AGBL1: variants seen among roughly 807,000 people sequenced by gnomAD.
The protein encoded by AGBL1 is AGBL carboxypeptidase 1.
A neutral mutation model predicts 118.9 loss-of-function variants in AGBL1; 130 were observed. The observed-to-expected ratio is 1.09, with a 90% CI of 0.95 to 1.26. AGBL1 has a LOEUF of 1.26. AGBL1 is among the 50% of genes most tolerant of loss of function. The pLI, the probability that AGBL1 is intolerant of heterozygous loss-of-function variation, is 0.00. For synonymous variants in AGBL1, 555 were observed against 478.9 expected (o/e 1.16, Z -2.08); for missense variants, 1,584 against 1,298.1 (o/e 1.22, Z -3.38).
At chr15:86,682,716 T>C (rs1042936748) in intron 22 of AGBL1, among the ~76,000 whole-genome samples, 10 of 152,086 alleles carry the variant, frequency 6.6e-5, no homozygotes, top group African/African-American at 2.2e-4. Flanking sequence ...AAGAACATTA[T>C]TGATTAATTT....
intron 23 of AGBL1, among the ~76,000 whole-genome samples, chr15:86,947,339 G>C (rs988432750): frequency 2.6e-5 from 4 of 152,200 alleles, no homozygotes; most frequent in Non-Finnish European, 5.9e-5. Context: ...TTATTGACCT[G>C]ACCTAAATTT....
intron 21 of AGBL1, among the ~76,000 whole-genome samples, chr15:86,593,013 A>G (rs576218772): frequency 2.6e-5 from 4 of 152,258 alleles, no homozygotes; most frequent in Middle Eastern, 3.4e-3. Flanking sequence ...TGACAAGGGA[A>G]AACCTCTCCC....
At chr15:86,431,652 T>C (rs1406062523) in intron 18 of AGBL1, among the ~76,000 whole-genome samples, 1 of 152,254 alleles carries the variant, frequency 6.6e-6, no homozygotes, top group Non-Finnish European at 1.5e-5. Context: ...TGAGTTATTA[T>C]GCAATGTCTG....
chr15:86,392,995 T>C (rs772639890), intron 17 of AGBL1, among the ~76,000 whole-genome samples: 9 of 152,150 alleles, frequency 5.9e-5, no homozygotes, highest in South Asian at 2.1e-4. Flanking sequence ...TGGAGTACCA[T>C]TTGCTGCTAC....
intron 3 of AGBL1, among the ~76,000 whole-genome samples, chr15:86,150,173 C>T (rs940224802): frequency 2.0e-5 from 3 of 152,124 alleles, no homozygotes; most frequent in Admixed American, 6.5e-5. Flanking sequence ...CAAGAGATAG[C>T]AGGAAAGATC....
At chr15:86,085,117 C>T (rs1895550938) in intron 1 of AGBL1, among the ~76,000 whole-genome samples, 1 of 152,082 alleles carries the variant, frequency 6.6e-6, no homozygotes, top group Non-Finnish European at 1.5e-5. Context: ...ATTCATAAAG[C>T]AAGTTTGCAT....
At chr15:86,218,139 A>G (rs950964052) in intron 5 of AGBL1, among the ~76,000 whole-genome samples, 2 of 152,202 alleles carry the variant, frequency 1.3e-5, no homozygotes, top group Admixed American at 6.5e-5. Context: ...TAGAAATTAC[A>G]TTTCTCATTA....
intron 23 of AGBL1, among the ~76,000 whole-genome samples, chr15:86,942,449 T>C (rs1343107158): frequency 6.6e-6 from 1 of 152,236 alleles, no homozygotes; most frequent in Admixed American, 6.5e-5. Flanking sequence ...CATTCTGAAC[T>C]TGTGGCTTCT....
chr15:86,917,170 TG>T (rs2080434799), downstream of AGBL1, among the ~76,000 whole-genome samples: 1 of 152,016 alleles, frequency 6.6e-6, no homozygotes, highest in Admixed American at 6.6e-5. This position sits in a 1 kb window ranked among gnomAD's most constrained non-coding sequence, Gnocchi z 4.8. Flanking sequence ...ATAGAGAAGA[TG>T]GGGGAGAGGC....
intron 17 of AGBL1, among the ~76,000 whole-genome samples, chr15:86,358,165 C>A (rs1045857666): frequency 8.5e-5 from 13 of 152,108 alleles, no homozygotes; most frequent in African/African-American, 3.1e-4. Context: ...CCTTTGCATC[C>A]TTTAATCAAT....
intron 1 of AGBL1, among the ~76,000 whole-genome samples, chr15:86,125,891 T>C (rs74848738): frequency 6.6e-6 from 1 of 152,210 alleles, no homozygotes; most frequent in Non-Finnish European, 1.5e-5. Flanking sequence ...ATCTCCTTAG[T>C]TTTTGGAATT....
intron 17 of AGBL1, among the ~76,000 whole-genome samples, chr15:86,349,662 C>A (rs2346306): frequency 0.5 from 75,785 of 151,990 alleles, 19,921 homozygotes; most frequent in Middle Eastern, 0.6. Flanking sequence ...TTGCAATGAA[C>A]CTGTCTTTAC....
intron 21 of AGBL1, among the ~76,000 whole-genome samples, chr15:86,635,917 G>C (rs1373791680): frequency 6.6e-6 from 1 of 152,156 alleles, no homozygotes; most frequent in Non-Finnish European, 1.5e-5. Flanking sequence ...CCAACATTGG[G>C]TGAGTCAGCA....
chr15:86,183,450 G>C (rs1385232436), intron 5 of AGBL1, among the ~76,000 whole-genome samples: 1 of 152,182 alleles, frequency 6.6e-6, no homozygotes, highest in Non-Finnish European at 1.5e-5. Context: ...ATAGTGGGTA[G>C]AAAAGCTCAG....
chr15:86,847,931 A>C (rs141284114), intron 22 of AGBL1, among the ~76,000 whole-genome samples: 300 of 152,264 alleles, frequency 2.0e-3, no homozygotes, highest in African/African-American at 6.9e-3. Context: ...TTGCTTGATC[A>C]CACTAGGTCC....
intron 24 of AGBL1, among the ~76,000 whole-genome samples, chr15:86,998,116 T>C (rs1350334557): frequency 1.3e-5 from 2 of 152,132 alleles, no homozygotes; most frequent in African/African-American, 4.8e-5. Context: ...CTCCTAAGAA[T>C]TTCCACCTCC....
intron 1 of AGBL1, among the ~76,000 whole-genome samples, chr15:86,133,845 A>G (rs1392369954): frequency 6.6e-6 from 1 of 152,092 alleles, no homozygotes; most frequent in Non-Finnish European, 1.5e-5. Context: ...TTATTTTTTT[A>G]TTTTGTTTTA....
chr15:86,135,190 C>G lies in AGBL1; in HGVS notation c.52-6814C>G, dbSNP rs150476233. Among the ~76,000 whole-genome samples the G allele has an allele frequency of 5.3e-4, 81 of 152,250 alleles. No individual in the cohort carries two copies. In the East Asian group the frequency reaches 0.014, roughly 27 times the overall value. On this transcript the variant is annotated intron_variant, in intron 1 of 22. Coordinates refer to ENST00000614907, the MANE Select transcript of AGBL1 (RefSeq NM_001386094.1). The stretch of plus-strand genomic sequence containing the variant: ...CCACGTGAGCTTGTTGTTGAAAAGG[C>G]CTGGCACTTCCCTTCCTTCTCTCAC...
downstream of AGBL1, among the ~76,000 whole-genome samples, chr15:87,031,182 T>TCAAA (rs1222912823): frequency 4.6e-5 from 7 of 152,018 alleles, no homozygotes; most frequent in African/African-American, 1.7e-4. Flanking sequence ...AGGCAACTTT[T>TCAAA]CAAACATATC....
Sources: gnomAD v4.1 joint callset for allele counts (sites outside exome capture counted in the v4.1 genomes callset) on GRCh38, gnomAD v4.1.1 for gene constraint, Gnocchi (gnomAD v3.1) non-coding constraint, MANE v1.5 for transcripts, NCBI Gene and HGNC (gene_info 2026-07-23, HGNC 2026-07-21) for gene names.